XYLT1: variants seen among roughly 807,000 people sequenced by gnomAD.
XYLT1 encodes the protein beta-D-xylosyltransferase 1.
A neutral mutation model predicts 91.3 loss-of-function variants in XYLT1; 36 were observed. The observed-to-expected ratio is 0.39, with a 90% confidence interval of 0.30 to 0.52. The LOEUF (loss-of-function observed/expected upper bound fraction) is 0.52, where lower values mean the gene tolerates loss of function less well. Among genes scored for constraint, XYLT1 ranks in the 20% least tolerant of loss-of-function variants. The pLI is 0.68. For synonymous variants in XYLT1, 588 were observed against 532.0 expected, an observed-to-expected ratio of 1.11 and a Z score of -1.45; for missense variants, 1,242 against 1,284.5, an observed-to-expected ratio of 0.97 and a Z score of 0.51.
intron 10 of XYLT1, among the ~76,000 whole-genome samples, chr16:17,118,973 C>A (rs189856919): frequency 6.6e-6 from 1 of 152,176 alleles, no homozygotes; most frequent in Non-Finnish European, 1.5e-5. Flanking sequence ...GACCACCCCC[C>A]ACCCCAAATT....
intron 2 of XYLT1, among the ~76,000 whole-genome samples, chr16:17,286,127 C>A (rs934041340): frequency 2.6e-5 from 4 of 152,188 alleles, no homozygotes; most frequent in Non-Finnish European, 5.9e-5. Context: ...TTACTCCAAA[C>A]ATACTTAGAC....
chr16:17,298,518 T>C (rs1177707674), intron 2 of XYLT1, among the ~76,000 whole-genome samples: 5 of 152,184 alleles, frequency 3.3e-5, no homozygotes, highest in African/African-American at 1.2e-4. Context: ...GCACCTTTCC[T>C]GCTGCTCTGA....
intron 2 of XYLT1, among the ~76,000 whole-genome samples, chr16:17,320,345 C>T (rs1213625504): frequency 1.3e-5 from 2 of 152,158 alleles, no homozygotes. Context: ...GCATCAAGGC[C>T]TTCATCTAAC....
chr16:17,145,957 C>T (rs545075704), intron 6 of XYLT1, among the ~76,000 whole-genome samples: 1 of 152,202 alleles, frequency 6.6e-6, no homozygotes, highest in Non-Finnish European at 1.5e-5. Flanking sequence ...CACACTTTGG[C>T]TCTGGACTTT....
intron 2 of XYLT1, among the ~76,000 whole-genome samples, chr16:17,319,627 C>T (rs67436720): frequency 0.14 from 21,823 of 151,900 alleles, 1,874 homozygotes; most frequent in African/African-American, 0.24. Flanking sequence ...ATTTTTAGTA[C>T]AGTCAGTTTC....
chr16:17,336,181 A>T (rs1466397121), intron 2 of XYLT1, among the ~76,000 whole-genome samples: 3 of 152,244 alleles, frequency 2.0e-5, no homozygotes, highest in Non-Finnish European at 4.4e-5. Flanking sequence ...ACCGAAGCAC[A>T]TTCAGTTCCG....
intron 1 of XYLT1, among the ~76,000 whole-genome samples, chr16:17,466,299 T>G (rs1410767892): frequency 6.6e-6 from 1 of 152,184 alleles, no homozygotes; most frequent in East Asian, 1.9e-4. Context: ...CAGGTGTGTG[T>G]GTTAAGTTCT....
At chr16:17,225,690 G>T (rs757894116) in intron 3 of XYLT1, among the ~76,000 whole-genome samples, 3 of 152,122 alleles carry the variant, frequency 2.0e-5, no homozygotes, top group Non-Finnish European at 2.9e-5. Flanking sequence ...ATTTCCAACA[G>T]CAAATATGTT....
intron 6 of XYLT1, among the ~76,000 whole-genome samples, chr16:17,155,735 A>C (rs1382803709): frequency 6.6e-6 from 1 of 152,192 alleles, no homozygotes; most frequent in East Asian, 1.9e-4. Flanking sequence ...CACACGCAAG[A>C]GTTGGAAGTT....
At chr16:17,337,236 A>G (rs187421756) in intron 2 of XYLT1, among the ~76,000 whole-genome samples, 9 of 151,918 alleles carry the variant, frequency 5.9e-5, no homozygotes, top group African/African-American at 1.7e-4. Flanking sequence ...CACCCAGGCT[A>G]AAGTGCAGTG....
intron 8 of XYLT1, among the ~76,000 whole-genome samples, chr16:17,135,866 A>G (rs1255201750): frequency 6.6e-6 from 1 of 152,246 alleles, no homozygotes; most frequent in African/African-American, 2.4e-5. Flanking sequence ...GACAGACAAG[A>G]GACTAAATAA....
chr16:17,428,812 T>G (rs1336232219), intron 1 of XYLT1, among the ~76,000 whole-genome samples: 1 of 152,180 alleles, frequency 6.6e-6, no homozygotes, highest in Non-Finnish European at 1.5e-5. Context: ...ATTAACAATC[T>G]TTCAGAGAGG....
At position 17,253,214 on chromosome 16, in the gene XYLT1, C is replaced by T. The variant is rs118092722; in HGVS notation, c.913+5774G>A. Among the ~76,000 whole-genome samples the T allele has an allele frequency of 1.4e-3, 218 of 152,246 alleles. 1 individual carries two copies. The highest frequency in any genetic ancestry group is 4.8e-3 in the South Asian group (23 of 4,822). Reference sequence around the variant, plus strand: ...GGGAAGTTGTTCATTGATAACTACCCAATTAGGGTTATTTTGCAATTAGTC... The same window carrying T: ...GGGAAGTTGTTCATTGATAACTACCTAATTAGGGTTATTTTGCAATTAGTC... On this transcript the variant is annotated intron_variant, in intron 3 of 11. Coordinates refer to ENST00000261381, the MANE Select transcript of XYLT1 (RefSeq NM_022166.4).
At chr16:17,133,177 G>C (rs958506765) in intron 9 of XYLT1, among the ~76,000 whole-genome samples, 1 of 152,128 alleles carries the variant, frequency 6.6e-6, no homozygotes, top group Non-Finnish European at 1.5e-5. Flanking sequence ...TGATGGGACA[G>C]TGTCACAGCC....
chr16:17,372,614 T>C (rs1165122566), intron 1 of XYLT1, among the ~76,000 whole-genome samples: 1 of 152,190 alleles, frequency 6.6e-6, no homozygotes, highest in African/African-American at 2.4e-5. Flanking sequence ...TAAGAGAAAG[T>C]GGGTATTTTG....
At position 17,213,863 on chromosome 16, in the gene XYLT1, C is replaced by A. The variant is rs549765454; in HGVS notation, c.914-13209G>T. 2.6e-5 allele frequency among the ~76,000 whole-genome samples: 4 copies of A among 152,176 alleles called. No individual in the cohort carries two copies. The South Asian group carries it at 8.3e-4, about 32-fold the overall frequency. On this transcript the variant is annotated intron_variant, in intron 3 of 11. Transcript: ENST00000261381. Reference sequence around the variant, plus strand: ...TGAACCCCTGACCTTGTGATTCGCCCGCCTCAGCCTCCCAAAGTGCTGGGA... The same window carrying A: ...TGAACCCCTGACCTTGTGATTCGCCAGCCTCAGCCTCCCAAAGTGCTGGGA...
At chr16:17,441,595 G>T (rs1158471932) in intron 1 of XYLT1, among the ~76,000 whole-genome samples, 1 of 152,082 alleles carries the variant, frequency 6.6e-6, no homozygotes, top group Non-Finnish European at 1.5e-5. Flanking sequence ...AGGGAATTGG[G>T]ACTTTGGACT....
intron 10 of XYLT1, among the ~76,000 whole-genome samples, chr16:17,123,300 G>GGTTTGTTC (rs2030138900): frequency 6.6e-6 from 1 of 152,000 alleles, no homozygotes; most frequent in Admixed American, 6.6e-5. Flanking sequence ...GGTGGGTTTG[G>GGTTTGTTC]GTTTGTTCTT....
chr16:17,304,414 C>T (rs2034442680), intron 2 of XYLT1, among the ~76,000 whole-genome samples: 1 of 152,172 alleles, frequency 6.6e-6, no homozygotes, highest in Non-Finnish European at 1.5e-5. Flanking sequence ...TACTGTCCTC[C>T]AGTCACAGAA....
Sources: allele counts gnomAD v4.1 joint callset (sites outside exome capture counted in the v4.1 genomes callset), GRCh38; gene constraint gnomAD v4.1.1; transcripts MANE v1.5; gene names NCBI Gene and HGNC (gene_info 2026-07-23, HGNC 2026-07-21).